Variants in LY96 observed in about 807,000 individuals in gnomAD.
LY96 encodes lymphocyte antigen 96.
In LY96, 18 loss-of-function variants were observed where a neutral mutation model predicts 18.9. The ratio of observed to expected loss-of-function variants is 0.95; its 90% CI spans 0.66 to 1.41. The LOEUF is 1.41. Ranked by LOEUF, LY96 falls within the 40% of genes most tolerant of loss-of-function variation. The pLI, the probability that LY96 is intolerant of heterozygous loss-of-function variation, is 0.00. For synonymous variants in LY96, 66 were observed against 62.6 expected, an observed-to-expected ratio of 1.06 and a Z score of -0.26; for missense variants, 175 against 182.4, an observed-to-expected ratio of 0.96 and a Z score of 0.23.
chr8:74,068,716 A>G, the LY96 span, among the ~76,000 whole-genome samples: 1 of 152,202 alleles, frequency 6.6e-6, no homozygotes, highest in Non-Finnish European at 1.5e-5. Flanking sequence ...CTTATTGGTC[A>G]TTCATATGCA....
chr8:74,004,813 A>T lies in LY96; in HGVS notation c.130A>T (p.Ile44Phe). Residue 44 changes from isoleucine to phenylalanine, a missense_variant, in exon 2 of 5, where the codon ATT becomes TTT. Ile to Phe is a conservative substitution (Grantham distance 21). Coordinates refer to ENST00000284818, the MANE Select transcript of LY96 (RefSeq NM_015364.5). ...GCTTTTAGATAAAATGCAATACCCAATTTCAATTAATGTTAACCCCTGTAT... is the reference window on the plus strand; with the variant it reads ...GCTTTTAGATAAAATGCAATACCCATTTTCAATTAATGTTAACCCCTGTAT... ...YTYCDKMQYPISINVNPCIEL... is the reference protein window; with the variant it reads ...YTYCDKMQYPFSINVNPCIEL... 1 of 1,576,048 alleles carries T rather than the reference A, an allele frequency of 6.3e-7. No homozygotes were observed. Among genetic ancestry groups the T allele is most frequent in the Non-Finnish European group, 8.7e-7 (1 of 1,147,992 alleles).
chr8:74,011,690 C>A (rs1268340202), intron 3 of LY96, among the ~76,000 whole-genome samples: 2 of 152,134 alleles, frequency 1.3e-5, no homozygotes, highest in Non-Finnish European at 2.9e-5. Flanking sequence ...GAAACCCCAT[C>A]TCTACTAAAA....
the LY96 span, among the ~76,000 whole-genome samples, chr8:74,090,038 G>T: frequency 1.3e-5 from 2 of 152,140 alleles, no homozygotes; most frequent in East Asian, 3.9e-4. Context: ...CATTTTGGAT[G>T]AGATGGAAGC....
the LY96 span, among the ~76,000 whole-genome samples, chr8:74,097,684 C>A: frequency 1.3e-5 from 2 of 151,844 alleles, no homozygotes; most frequent in Admixed American, 1.3e-4. Flanking sequence ...CCAGCCTGGG[C>A]CACAGAGCAA....
At chr8:74,021,937 G>A (rs1816770594) in intron 3 of LY96, among the ~76,000 whole-genome samples, 1 of 151,958 alleles carries the variant, frequency 6.6e-6, no homozygotes, top group Admixed American at 6.6e-5. Flanking sequence ...GGGGGGCTGG[G>A]GGAGGGATAG....
At chr8:74,007,832 G>A (rs1027220672) in intron 2 of LY96, among the ~76,000 whole-genome samples, 7 of 151,980 alleles carry the variant, frequency 4.6e-5, no homozygotes, top group African/African-American at 7.3e-5. Context: ...TGATCTCGGC[G>A]CACTGCAGCC....
chr8:74,060,036 G>A, the LY96 span, among the ~76,000 whole-genome samples: 1 of 152,232 alleles, frequency 6.6e-6, no homozygotes, highest in Non-Finnish European at 1.5e-5. Flanking sequence ...CTACTCAGGG[G>A]GCTGAGGTGA....
the LY96 span, among the ~76,000 whole-genome samples, chr8:74,084,144 G>T: frequency 6.6e-6 from 1 of 151,798 alleles, no homozygotes; most frequent in South Asian, 2.1e-4. Flanking sequence ...CTGTTCCTCT[G>T]TTCTCTGTAT....
At chr8:74,022,367 A>T (rs1176580486) in intron 3 of LY96, among the ~76,000 whole-genome samples, 1 of 151,734 alleles carries the variant, frequency 6.6e-6, no homozygotes, top group African/African-American at 2.4e-5. Context: ...AGATCCCACC[A>T]CTGCACTCCA....
chr8:73,997,110 G>A (rs1180640781), intron 1 of LY96, among the ~76,000 whole-genome samples: 1 of 152,158 alleles, frequency 6.6e-6, no homozygotes, highest in Non-Finnish European at 1.5e-5. Flanking sequence ...GCCTGCCTTG[G>A]CCTCCCAACG....
chr8:74,002,527 AG>A (rs1482388882), intron 1 of LY96, among the ~76,000 whole-genome samples: 4 of 147,698 alleles, frequency 2.7e-5, no homozygotes, highest in African/African-American at 1.0e-4. Flanking sequence ...TGAACTTTTT[AG>A]TTCAGTTATT....
the LY96 span, among the ~76,000 whole-genome samples, chr8:74,070,350 C>G: frequency 6.6e-6 from 1 of 152,160 alleles, no homozygotes. Context: ...CTCGGCCTCC[C>G]GAAGTGCTAG....
chr8:74,024,373 T>C (rs1816826619), intron 3 of LY96, among the ~76,000 whole-genome samples: 1 of 150,746 alleles, frequency 6.6e-6, no homozygotes, highest in Non-Finnish European at 1.5e-5. Context: ...ATATGACTAA[T>C]ATATTAATGC....
chr8:74,022,169 A>T (rs1816776510), intron 3 of LY96, among the ~76,000 whole-genome samples: 1 of 152,156 alleles, frequency 6.6e-6, no homozygotes, highest in Admixed American at 6.5e-5. Context: ...GCACTTTGGG[A>T]GGCCGAGGCG....
the LY96 span, among the ~76,000 whole-genome samples, chr8:74,060,057 G>T: frequency 2.0e-5 from 3 of 152,194 alleles, no homozygotes; most frequent in Non-Finnish European, 4.4e-5. Context: ...GAGCCCAGGG[G>T]GCTGAGGTGA....
chr8:74,013,963 G>A (rs1816585563), intron 3 of LY96, among the ~76,000 whole-genome samples: 1 of 152,050 alleles, frequency 6.6e-6, no homozygotes, highest in South Asian at 2.1e-4. Flanking sequence ...ATGGCAGGAG[G>A]TGGGGGTAGG....
intron 2 of LY96, among the ~76,000 whole-genome samples, chr8:74,009,657 T>G (rs1274773928): frequency 6.6e-6 from 1 of 152,218 alleles, no homozygotes; most frequent in East Asian, 1.9e-4. Flanking sequence ...TCCTTTTCTT[T>G]TCTTTTGAAT....
chr8:74,082,905 A>C, the LY96 span, among the ~76,000 whole-genome samples: 2 of 152,108 alleles, frequency 1.3e-5, no homozygotes, highest in Non-Finnish European at 2.9e-5. Flanking sequence ...CACCCCAGGT[A>C]TAGGAAGGGT....
At chr8:74,049,411 G>A in the LY96 span, among the ~76,000 whole-genome samples, 14 of 152,150 alleles carry the variant, frequency 9.2e-5, no homozygotes, top group Non-Finnish European at 1.8e-4. Context: ...TCTTTGGTGA[G>A]TTTTCAGGTG....
Sources: allele counts gnomAD v4.1 joint callset (sites outside exome capture counted in the v4.1 genomes callset), GRCh38; gene constraint gnomAD v4.1.1; transcripts MANE v1.5; gene names NCBI Gene and HGNC (gene_info 2026-07-23, HGNC 2026-07-21).